Variants in POU6F2 observed in about 807,000 individuals in gnomAD.
POU6F2 encodes the protein POU class 6 homeobox 2.
A neutral mutation model predicts 71.3 loss-of-function variants in POU6F2; 31 were observed. The ratio of observed to expected loss-of-function variants is 0.43; its 90% CI spans 0.33 to 0.59. POU6F2 has a LOEUF of 0.59. POU6F2 is among the 20% of genes least tolerant of loss of function. The probability of loss-of-function intolerance (pLI) is 0.04; values close to 1 mark genes in which losing one functional copy is unlikely to be tolerated. For missense variants in POU6F2, 783 were observed against 856.8 expected (o/e 0.91, Z 1.07); for synonymous variants, 347 against 355.7 (o/e 0.98, Z 0.27).
chr7:39,217,850 A>C (rs1467420131), intron 4 of POU6F2, among the ~76,000 whole-genome samples: 1 of 152,156 alleles, frequency 6.6e-6, no homozygotes, highest in Non-Finnish European at 1.5e-5. Context: ...GGTGTCACTG[A>C]GGCACTGGGG....
At chr7:39,015,385 T>A (rs2128704786) in intron 1 of POU6F2, among the ~76,000 whole-genome samples, 1 of 127,724 alleles carries the variant, frequency 7.8e-6, no homozygotes, top group South Asian at 2.3e-4. Context: ...GTATAATATA[T>A]AATAGATATA....
At chr7:39,249,597 C>T (rs1783878937) in intron 4 of POU6F2, among the ~76,000 whole-genome samples, 1 of 152,124 alleles carries the variant, frequency 6.6e-6, no homozygotes, top group South Asian at 2.1e-4. Context: ...AATTGGAAGC[C>T]AGTTGCGGTG....
chr7:39,395,445 C>G (rs1391805216), intron 5 of POU6F2, among the ~76,000 whole-genome samples: 1 of 152,158 alleles, frequency 6.6e-6, no homozygotes, highest in Non-Finnish European at 1.5e-5. Flanking sequence ...GCTGTCCTCC[C>G]CAAGAAATCT....
chr7:39,253,790 G>A (rs1024009009), intron 4 of POU6F2, among the ~76,000 whole-genome samples: 1 of 152,204 alleles, frequency 6.6e-6, no homozygotes, highest in Non-Finnish European at 1.5e-5. Flanking sequence ...TCTCGGCTAA[G>A]CTTCTGATGA....
At chr7:39,283,159 T>A (rs1354311990) in intron 4 of POU6F2, among the ~76,000 whole-genome samples, 1 of 152,174 alleles carries the variant, frequency 6.6e-6, no homozygotes, top group Admixed American at 6.5e-5. Flanking sequence ...GATTCATTTA[T>A]TAGTTTTAAA....
In POU6F2 at chr7:39,465,354, C is replaced by G. The variant is rs533845577; in HGVS notation, c.*668C>G. 1 of 152,374 alleles carries G rather than the reference C, an allele frequency of 6.6e-6. No individual in the cohort carries two copies. Among genetic ancestry groups the G allele is most frequent in the Non-Finnish European group, 1.5e-5 (1 of 68,088 alleles). The allele number at this position is 152,374 out of a possible 1,614,324, so 9.4% of individuals were successfully genotyped here. A position where few individuals can be genotyped will look rare whatever the true frequency, so the allele number is the denominator to read the frequency against. On this transcript the variant is annotated 3_prime_UTR_variant, in exon 10 of 10. Transcript: ENST00000518318. ...CATCTTTCCCATCTACTGTCTCCAC[C>G]CATGGGGTGGGTACCATTGTTGAAG... is the stretch of plus-strand genomic sequence containing the variant.
At chr7:39,073,468 A>T (rs968998930) in intron 1 of POU6F2, among the ~76,000 whole-genome samples, 4 of 151,508 alleles carry the variant, frequency 2.6e-5, no homozygotes, top group African/African-American at 9.7e-5. Flanking sequence ...TTCCAATCAC[A>T]TTCTTCCTTC....
intron 2 of POU6F2, among the ~76,000 whole-genome samples, chr7:39,108,819 G>T (rs1299637276): frequency 2.0e-5 from 3 of 152,272 alleles, no homozygotes; most frequent in African/African-American, 7.2e-5. Flanking sequence ...ATAACAAACA[G>T]ATTTATATGC....
chr7:39,289,464 G>C (rs923567623), intron 4 of POU6F2, among the ~76,000 whole-genome samples: 2 of 152,174 alleles, frequency 1.3e-5, no homozygotes, highest in Admixed American at 1.3e-4. Flanking sequence ...TTACCTAAAA[G>C]CGGGACTTCA....
At chr7:39,138,778 G>T (rs1408821948) in intron 2 of POU6F2, among the ~76,000 whole-genome samples, 9 of 152,122 alleles carry the variant, frequency 5.9e-5, no homozygotes, top group Non-Finnish European at 1.3e-4. Flanking sequence ...TGCCCCCCAG[G>T]TCCATGGAAG....
chr7:39,364,116 G>A (rs899449362), intron 5 of POU6F2, among the ~76,000 whole-genome samples: 4 of 152,194 alleles, frequency 2.6e-5, no homozygotes, highest in African/African-American at 9.6e-5. Context: ...AAGAGGCATG[G>A]ATGCACTGAA....
Position 39,467,627 on chromosome 7 carries a change from A to T in POU6F2, c.*2941A>T, listed in dbSNP as rs1201521242. 2.6e-5 allele frequency: 4 copies of T among 152,336 alleles called. No individual in the cohort carries two copies. Among genetic ancestry groups the T allele is most frequent in the Non-Finnish European group, 5.9e-5 (4 of 68,032 alleles). The allele number at this position is 152,336 out of a possible 1,614,324, so 9.4% of individuals were successfully genotyped here. ...GTTTATAGATTTTCTTTCTTTTTCA[A>T]CCAAGAAAATATTTTGAACAATTGA... is the stretch of plus-strand genomic sequence containing the variant. On this transcript the variant is annotated 3_prime_UTR_variant, in exon 10 of 10. Coordinates refer to ENST00000518318, the MANE Select transcript of POU6F2 (RefSeq NM_001370959.1).
intron 4 of POU6F2, among the ~76,000 whole-genome samples, chr7:39,263,218 C>G (rs1784171547): frequency 6.6e-6 from 1 of 152,100 alleles, no homozygotes; most frequent in South Asian, 2.1e-4. Flanking sequence ...ATGTTACTTT[C>G]TTTTTTCTCT....
At chr7:39,158,234 C>T (rs747629646) in intron 2 of POU6F2, among the ~76,000 whole-genome samples, 3 of 152,078 alleles carry the variant, frequency 2.0e-5, no homozygotes, top group Non-Finnish European at 2.9e-5. Context: ...TAAAAGCATT[C>T]GTCATTCACT....
intron 1 of POU6F2, among the ~76,000 whole-genome samples, chr7:39,030,937 T>C (rs1007860276): frequency 6.6e-6 from 1 of 152,094 alleles, no homozygotes; most frequent in African/African-American, 2.4e-5. Context: ...AGTCCCGCTC[T>C]GTCACCGGGC....
intron 1 of POU6F2, among the ~76,000 whole-genome samples, chr7:39,019,081 A>G (rs573046580): frequency 6.6e-6 from 1 of 152,000 alleles, no homozygotes; most frequent in East Asian, 1.9e-4. Context: ...CCTACATCCC[A>G]TTTTTGTTAT....
chr7:39,143,623 G>A (rs1474076661), intron 2 of POU6F2, among the ~76,000 whole-genome samples: 6 of 152,178 alleles, frequency 3.9e-5, no homozygotes, highest in Non-Finnish European at 7.3e-5. Context: ...CTTAAGGAGT[G>A]AGGGAGCTGA....
At chr7:39,435,455 C>A (rs1172543133) in intron 7 of POU6F2, among the ~76,000 whole-genome samples, 3 of 152,034 alleles carry the variant, frequency 2.0e-5, no homozygotes, top group African/African-American at 7.3e-5. Context: ...TGTTCATATC[C>A]TTCGCCCACT....
At chr7:39,238,921 A>G (rs1449488052) in intron 4 of POU6F2, among the ~76,000 whole-genome samples, 1 of 152,164 alleles carries the variant, frequency 6.6e-6, no homozygotes, top group Non-Finnish European at 1.5e-5. Flanking sequence ...TGAACATAGA[A>G]GGGTACATAA....
Sources: gnomAD v4.1 joint callset for allele counts (sites outside exome capture counted in the v4.1 genomes callset) on GRCh38, gnomAD v4.1.1 for gene constraint, MANE v1.5 for transcripts, NCBI Gene and HGNC (gene_info 2026-07-23, HGNC 2026-07-21) for gene names.